Variants in CCDC62 observed in about 807,000 individuals in gnomAD.
CCDC62 encodes coiled-coil domain containing 62, also known as coiled-coil domain-containing protein 62.
CCDC62 carries 72 observed loss-of-function variants against 80.8 expected under a neutral mutation model. The ratio of observed to expected loss-of-function variants is 0.89; its 90% CI spans 0.74 to 1.08. CCDC62 has a LOEUF of 1.08. CCDC62 is among the 50% of genes least tolerant of loss of function. CCDC62 has a pLI of 0.00. For missense variants in CCDC62, 704 were observed against 809.4 expected (o/e 0.87, Z 1.58); for synonymous variants, 286 against 296.5 (o/e 0.96, Z 0.36).
chr12:122,804,418 T>C (rs1033527539), intron 9 of CCDC62, among the ~76,000 whole-genome samples: 1 of 151,734 alleles, frequency 6.6e-6, no homozygotes, highest in African/African-American at 2.4e-5. Flanking sequence ...ACCCAGGAGG[T>C]GGAGGTTGCA....
At position 122,827,266 on chromosome 12, in the gene CCDC62, G is replaced by A. The variant is rs1160023397; in HGVS notation, c.*885G>A. 7 of 152,138 alleles carry A rather than the reference G, an allele frequency of 4.6e-5. No homozygotes were observed. The highest frequency in any genetic ancestry group is 4.6e-4 in the Admixed American group (7 of 15,262). The allele number at this position is 152,138 out of a possible 1,614,324, so 9.4% of individuals were successfully genotyped here. A position where few individuals can be genotyped will look rare whatever the true frequency, so the allele number is the denominator to read the frequency against. On this transcript the variant is annotated 3_prime_UTR_variant, in exon 13 of 13. Coordinates refer to ENST00000253079, the MANE Select transcript of CCDC62 (RefSeq NM_201435.5). ...TACAGGAGTAAAATAAGGAAGGAACGTTCATCACTTTAAACTGAACCTGGC... is the reference window on the plus strand; with the variant it reads ...TACAGGAGTAAAATAAGGAAGGAACATTCATCACTTTAAACTGAACCTGGC...
chr12:122,774,763 A>T, intron 1 of CCDC62, 57 bp downstream of exon 1: 1 of 1,186,138 alleles, frequency 8.4e-7, no homozygotes, highest in Non-Finnish European at 1.1e-6. Flanking sequence ...CATTGGTCGA[A>T]ATCTATTGCT....
chr12:122,811,234 G>T (rs1287585630), intron 10 of CCDC62, among the ~76,000 whole-genome samples: 7 of 93,758 alleles, frequency 7.5e-5, no homozygotes, highest in African/African-American at 1.2e-4. Context: ...TTTTTCAGAC[G>T]GAGTTTCACT....
intron 4 of CCDC62, among the ~76,000 whole-genome samples, chr12:122,787,539 C>T (rs1211550942): frequency 6.6e-6 from 1 of 151,062 alleles, no homozygotes; most frequent in Non-Finnish European, 1.5e-5. Flanking sequence ...ATCACAAGGC[C>T]AAGAGATTGA....
chr12:122,820,311 G>C (rs564367040), intron 11 of CCDC62, among the ~76,000 whole-genome samples: 6 of 152,140 alleles, frequency 3.9e-5, no homozygotes, highest in African/African-American at 1.2e-4. Context: ...AAGGGGAAGC[G>C]CACAGCTGAG....
chr12:122,816,159 A>C lies in CCDC62; in HGVS notation c.2001+2740A>C, dbSNP rs541255634. On this transcript the variant is annotated intron_variant, in intron 11 of 12. Coordinates refer to ENST00000253079, the MANE Select transcript of CCDC62 (RefSeq NM_201435.5). ...AACTAGAAATTTTTCAAAGTATACC[A>C]TGTGTGCCATATAAACTTTTCAAAG... Among the ~76,000 whole-genome samples the C allele has an allele frequency of 3.9e-5, 6 of 152,328 alleles. No homozygotes were observed. The East Asian group carries it at 1.2e-3, about 29-fold the overall frequency.
intron 6 of CCDC62, 47 bp downstream of exon 6, chr12:122,792,168 GA>G (rs1336864720): frequency 9.0e-7 from 1 of 1,116,792 alleles, no homozygotes; most frequent in Admixed American, 1.7e-5. Context: ...TTGCAATGAT[GA>G]CAGGCTGAAG....
chr12:122,789,278 G>C (rs528759707), intron 5 of CCDC62, among the ~76,000 whole-genome samples: 1 of 152,180 alleles, frequency 6.6e-6, no homozygotes, highest in Non-Finnish European at 1.5e-5. Context: ...AGAGGCAAAT[G>C]GGGGAGTTGG....
chr12:122,806,659 T>C (rs1293625285), intron 10 of CCDC62, among the ~76,000 whole-genome samples: 1 of 151,828 alleles, frequency 6.6e-6, no homozygotes, highest in African/African-American at 2.4e-5. Flanking sequence ...TCTCATTTTT[T>C]TGTAGAGACA....
At chr12:122,802,193 C>T (rs1593809603) in intron 9 of CCDC62, among the ~76,000 whole-genome samples, 1 of 152,114 alleles carries the variant, frequency 6.6e-6, no homozygotes, top group Non-Finnish European at 1.5e-5. Flanking sequence ...GAACGCCACC[C>T]TAGAGCATTC....
At chr12:122,818,311 G>A (rs2032252052) in intron 11 of CCDC62, among the ~76,000 whole-genome samples, 1 of 152,102 alleles carries the variant, frequency 6.6e-6, no homozygotes, top group Non-Finnish European at 1.5e-5. Flanking sequence ...AAATTAGCTG[G>A]GCGTGGTGGC....
At chr12:122,779,788 A>G (rs1879710127) in intron 2 of CCDC62, among the ~76,000 whole-genome samples, 1 of 151,844 alleles carries the variant, frequency 6.6e-6, no homozygotes, top group South Asian at 2.1e-4. Context: ...CATGCCTGTA[A>G]TCCCAGCTAC....
chr12:122,797,328 A>G lies in CCDC62; in HGVS notation c.794A>G (p.Asp265Gly). 1.3e-6 allele frequency: 2 copies of G among 1,581,722 alleles called. No homozygotes were observed. The highest frequency in any genetic ancestry group is 1.7e-6 in the Non-Finnish European group (2 of 1,150,858). ...LFTVEREKRK[D>G]ELLNIAKSKQ... Reference sequence around the variant, plus strand: ...ATAGTAGAGAGAGAAAAGAGGAAAGATGAATTGCTTAATATTGCGAAGTCA... The same window carrying G: ...ATAGTAGAGAGAGAAAAGAGGAAAGGTGAATTGCTTAATATTGCGAAGTCA... Residue 265 changes from aspartate (D) to glycine (G), a missense_variant, in exon 7 of 13, where the codon GAT (aspartate) becomes GGT (glycine). By Grantham distance (94) the Asp-to-Gly change is moderately conservative. Coordinates refer to ENST00000253079, the MANE Select transcript of CCDC62 (RefSeq NM_201435.5).
In CCDC62 at chr12:122,785,722, A is replaced by G. The variant is rs2030173309; in HGVS notation, c.400A>G (p.Arg134Gly). 1 of 1,610,188 alleles carries G rather than the reference A, an allele frequency of 6.2e-7. No individual in the cohort carries two copies. The highest frequency in any genetic ancestry group is 1.3e-5 in the African/African-American group (1 of 74,922). ...CATCTGTGTTGTTTTCTTGTAGGCT[A>G]GAAACGAAACTCTCAGCAACACGTT... is the stretch of plus-strand genomic sequence containing the variant. ...SSLLSEDLEARNETLSNTLVE... is the reference protein window; with the variant it reads ...SSLLSEDLEAGNETLSNTLVE... The change falls in exon 4 of 13, where the codon AGA (arginine) becomes GGA (glycine). Residue 134 changes from arginine (R) to glycine (G), a missense_variant. Coordinates refer to ENST00000253079, the MANE Select transcript of CCDC62 (RefSeq NM_201435.5).
chr12:122,793,999 C>T (rs894430200), intron 6 of CCDC62, among the ~76,000 whole-genome samples: 2 of 152,156 alleles, frequency 1.3e-5, no homozygotes, highest in East Asian at 1.9e-4. Context: ...TGCTCAGAAG[C>T]TCACAGGCCC....
intron 3 of CCDC62, 112 bp from the exon 4 acceptor site, chr12:122,785,607 G>A (rs765418135): frequency 4.3e-5 from 31 of 722,914 alleles, no homozygotes; most frequent in African/African-American, 8.8e-5. Flanking sequence ...TGTTACTAAC[G>A]AGTTAAACAA....
intron 5 of CCDC62, among the ~76,000 whole-genome samples, chr12:122,791,346 C>A (rs1444564472): frequency 2.0e-5 from 3 of 151,890 alleles, no homozygotes; most frequent in African/African-American, 7.3e-5. Context: ...ACCAGGTTGG[C>A]CAGGCTGGTT....
chr12:122,799,040 A>G (rs1473321722), intron 8 of CCDC62, among the ~76,000 whole-genome samples: 1 of 152,198 alleles, frequency 6.6e-6, no homozygotes. Flanking sequence ...AGATTGCGCC[A>G]CTGCACTTCA....
chr12:122,818,528 G>T (rs569050191), intron 11 of CCDC62, among the ~76,000 whole-genome samples: 1 of 152,142 alleles, frequency 6.6e-6, no homozygotes, highest in South Asian at 2.1e-4. Context: ...GGAGGTTGAG[G>T]GGGGAGGATC....
Sources: allele counts gnomAD v4.1 joint callset (sites outside exome capture counted in the v4.1 genomes callset), GRCh38; gene constraint gnomAD v4.1.1; transcripts MANE v1.5; gene names NCBI Gene and HGNC (gene_info 2026-07-23, HGNC 2026-07-21).